The following ADGRD1 variants were observed in gnomAD, a reference collection of about 807,000 sequenced individuals.
ADGRD1 encodes the protein G-protein coupled receptor 133.
ADGRD1 carries 77 observed loss-of-function variants against 113.4 expected under a neutral mutation model. That is an observed-to-expected ratio of 0.68 (90% CI 0.57 to 0.82). The LOEUF is 0.82. Ranked by LOEUF, ADGRD1 falls within the 40% of genes least tolerant of loss-of-function variation. The probability of loss-of-function intolerance (pLI) is 0.00; values close to 1 mark genes in which losing one functional copy is unlikely to be tolerated. For synonymous variants in ADGRD1, 474 were observed against 475.0 expected (o/e 1.00, Z 0.03); for missense variants, 1,036 against 1,139.1 (o/e 0.91, Z 1.30).
At position 131,022,885 on chromosome 12, in the gene ADGRD1, C is replaced by T. The variant is rs562676530; in HGVS notation, c.1473+8545C>T. On this transcript the variant is annotated intron_variant, in intron 13 of 24. Transcript: ENST00000261654. The surrounding 1 kb of genome is among the most constrained non-coding windows in gnomAD (Gnocchi z 4.6). The stretch of plus-strand genomic sequence containing the variant: ...GTGCTCTCAGAAGCACACGCATGCA[C>T]CTGCATCTTCCTGCATTTTTCTGTG... 1 of 152,010 alleles carries T rather than the reference C, an allele frequency of 6.6e-6. No homozygotes were observed. The highest frequency in any genetic ancestry group is 6.6e-5 in the Admixed American group (1 of 15,248). 9.4% of individuals were successfully genotyped at this position (152,010 alleles called of 1,614,324 possible). A position where few individuals can be genotyped will look rare whatever the true frequency, so the allele number is the denominator to read the frequency against.
chr12:130,983,903 G>C (rs144138062), intron 5 of ADGRD1, among the ~76,000 whole-genome samples: 272 of 152,298 alleles, frequency 1.8e-3, no homozygotes, highest in African/African-American at 6.3e-3. Context: ...GAACCTTTGT[G>C]GGGGAATCAA....
intron 13 of ADGRD1, 126 bp from the exon 14 acceptor site, chr12:131,076,675 A>C (rs1885641962): frequency 1.3e-6 from 1 of 764,704 alleles, no homozygotes; most frequent in South Asian, 1.5e-5. Context: ...GGAGATAGAC[A>C]TCAGTGGCTA....
In ADGRD1 at chr12:131,141,232, A is replaced by G. The variant is rs1433123154; in HGVS notation, c.*1969A>G. On this transcript the variant is annotated 3_prime_UTR_variant, in exon 25 of 25. Transcript: ENST00000261654. ...ATCTATATAGCTAATATTTCAAGAT[A>G]AGTAATGAACAAAACCTGTCTAAAC... 6.6e-6 allele frequency: 1 copy of G among 152,254 alleles called. No homozygotes were observed. The highest frequency in any genetic ancestry group is 3.2e-3 in the Middle Eastern group (1 of 316). 9.4% of individuals were successfully genotyped at this position (152,254 alleles called of 1,614,324 possible). A position where few individuals can be genotyped will look rare whatever the true frequency, so the allele number is the denominator to read the frequency against.
intron 13 of ADGRD1, chr12:131,023,521 C>T (rs1025119124): frequency 1.3e-5 from 2 of 152,044 alleles, no homozygotes; most frequent in African/African-American, 4.8e-5. Flanking sequence ...GATACATGTA[C>T]TTTTTAAATA....
rs746373801 is a variant in ADGRD1 at position 130,987,218 on chromosome 12, A to G, written c.614A>G (p.Asn205Ser). Reference protein sequence around the residue: ...GKVSRDYGESNVNLVIGSEQD... With the variant: ...GKVSRDYGESSVNLVIGSEQD... ...GTGTCTCGTGACTATGGAGAGTCCAACGTCAACCTCGTGATAGGGTCTGAG... is the reference window on the plus strand; with the variant it reads ...GTGTCTCGTGACTATGGAGAGTCCAGCGTCAACCTCGTGATAGGGTCTGAG... The change falls in exon 6 of 25, where the codon AAC becomes AGC. Residue 205 changes from asparagine (N) to serine (S), a missense_variant. Physicochemically the swap from Asn to Ser is conservative, Grantham distance 46 (BLOSUM62 1). Transcript: ENST00000261654. 3 of 1,614,106 alleles carry G rather than the reference A, an allele frequency of 1.9e-6. No individual in the cohort carries two copies. Among genetic ancestry groups the G allele is most frequent in the Non-Finnish European group, 1.7e-6 (2 of 1,180,034 alleles).
At chr12:131,080,339 C>G (rs1885966028) in intron 14 of ADGRD1, among the ~76,000 whole-genome samples, 1 of 151,806 alleles carries the variant, frequency 6.6e-6, no homozygotes, top group South Asian at 2.1e-4. Flanking sequence ...AGAAAATATT[C>G]TTTGTATAAT....
chr12:131,056,311 G>A (rs141916301), intron 13 of ADGRD1, among the ~76,000 whole-genome samples: 2 of 152,274 alleles, frequency 1.3e-5, no homozygotes. Context: ...CCCAAGTTGC[G>A]GCATTGGAAA....
chr12:131,122,614 G>T (rs781397015), intron 20 of ADGRD1, among the ~76,000 whole-genome samples: 196 of 152,222 alleles, frequency 1.3e-3, no homozygotes, highest in Non-Finnish European at 1.6e-3. Flanking sequence ...GTTGGGAGGG[G>T]CTTTAAAGGA....
In ADGRD1 at chr12:131,093,371, C is replaced by T. The variant is rs564782895; in HGVS notation, c.1671+8708C>T. On this transcript the variant is annotated intron_variant, in intron 15 of 24. Transcript: ENST00000261654. ...GCTATGGGTGGGAAAGGAAGGGCAC[C>T]GTGGGGGCACACCACGCCTTCCTGA... 1.2e-4 allele frequency among the ~76,000 whole-genome samples: 18 copies of T among 152,266 alleles called. No individual in the cohort carries two copies. The East Asian group carries it at 1.4e-3, about 11-fold the overall frequency.
chr12:131,010,634 C>T (rs912304850), intron 12 of ADGRD1, among the ~76,000 whole-genome samples: 39 of 152,324 alleles, frequency 2.6e-4, no homozygotes, highest in African/African-American at 9.4e-4. Flanking sequence ...GGCTTTGGCT[C>T]AGATGTGCTG....
intron 2 of ADGRD1, among the ~76,000 whole-genome samples, chr12:130,955,257 A>G (rs1174944738): frequency 6.6e-6 from 1 of 151,326 alleles, no homozygotes; most frequent in East Asian, 1.9e-4. Context: ...GAGCCACCAC[A>G]CCCATCTCAT....
At chr12:131,067,657 G>A (rs1373551503) in intron 13 of ADGRD1, among the ~76,000 whole-genome samples, 2 of 133,234 alleles carry the variant, frequency 1.5e-5, no homozygotes, top group East Asian at 2.2e-4. Context: ...GCTGCCCTCT[G>A]CCTCCTATAT....
chr12:131,017,954 A>T (rs527729150), intron 13 of ADGRD1, among the ~76,000 whole-genome samples: 15 of 152,262 alleles, frequency 9.9e-5, no homozygotes, highest in Admixed American at 7.8e-4. Flanking sequence ...CACCCAGTGC[A>T]TGTACCTGCA....
intron 13 of ADGRD1, among the ~76,000 whole-genome samples, chr12:131,068,790 G>C (rs1233720835): frequency 6.6e-6 from 1 of 152,030 alleles, no homozygotes. Flanking sequence ...AAGAACAAAG[G>C]GAAGAAAAAA....
intron 21 of ADGRD1, among the ~76,000 whole-genome samples, chr12:131,134,638 G>C (rs1593276110): frequency 6.6e-6 from 1 of 152,232 alleles, no homozygotes; most frequent in South Asian, 2.1e-4. Flanking sequence ...TGAAGTGCTG[G>C]AACACTTCTG....
chr12:131,097,946 T>C (rs1230943806), intron 15 of ADGRD1, among the ~76,000 whole-genome samples: 1 of 152,036 alleles, frequency 6.6e-6, no homozygotes, highest in Non-Finnish European at 1.5e-5. Flanking sequence ...GCTGCTGGGG[T>C]GGGCGAAGGG....
chr12:131,118,885 G>A (rs1950526345), intron 19 of ADGRD1, among the ~76,000 whole-genome samples: 1 of 152,182 alleles, frequency 6.6e-6, no homozygotes, highest in African/African-American at 2.4e-5. Context: ...TGGAGTAAGT[G>A]GGGCCTGCTG....
At chr12:131,117,934 A>G (rs1244871123) in intron 18 of ADGRD1, among the ~76,000 whole-genome samples, 1 of 152,154 alleles carries the variant, frequency 6.6e-6, no homozygotes. Context: ...TAGGGTGTTT[A>G]ACAGAAGCCC....
chr12:130,958,022 C>T (rs56040266), intron 2 of ADGRD1: 29,186 of 152,608 alleles, frequency 0.19, 2,913 homozygotes, highest in South Asian at 0.26. Context: ...TATTTAGGTG[C>T]CCTCCATGAA....
Sources: gnomAD v4.1 joint callset for allele counts (sites outside exome capture counted in the v4.1 genomes callset) on GRCh38, gnomAD v4.1.1 for gene constraint, Gnocchi (gnomAD v3.1) non-coding constraint, MANE v1.5 for transcripts, NCBI Gene and HGNC (gene_info 2026-07-23, HGNC 2026-07-21) for gene names.